AP3B1: variants seen among roughly 807,000 people sequenced by gnomAD.
AP3B1 encodes the protein AP-3 complex subunit beta-1.
Under a neutral mutation model 132.5 loss-of-function variants are expected in AP3B1, and 61 were observed. The ratio of observed to expected loss-of-function variants is 0.46; its 90% confidence interval spans 0.37 to 0.57. The LOEUF is 0.57. Ranked by LOEUF, AP3B1 falls within the 20% of genes least tolerant of loss-of-function variation. AP3B1 has a pLI of 0.00. For missense variants in AP3B1, 1,120 were observed against 1,289.4 expected (o/e 0.87, Z 2.01); for synonymous variants, 388 against 438.3 (o/e 0.89, Z 1.43).
intron 1 of AP3B1, among the ~76,000 whole-genome samples, chr5:78,271,382 T>C (rs1014035780): frequency 2.6e-5 from 4 of 152,094 alleles, no homozygotes; most frequent in South Asian, 4.1e-4. Context: ...GATGGCACCA[T>C]TGCACTCCAG....
At chr5:78,070,694 G>A (rs1383695403) in intron 22 of AP3B1, among the ~76,000 whole-genome samples, 25 of 146,434 alleles carry the variant, frequency 1.7e-4, no homozygotes, top group African/African-American at 6.0e-4. Flanking sequence ...AATCTAAAAG[G>A]AAATTAAACA....
chr5:78,028,693 A>G (rs1162083967), intron 24 of AP3B1, among the ~76,000 whole-genome samples: 3 of 152,174 alleles, frequency 2.0e-5, no homozygotes, highest in Admixed American at 2.0e-4. Flanking sequence ...GTCCATCTTC[A>G]TAGGTTATCC....
chr5:78,271,964 C>A (rs904895609), intron 1 of AP3B1, among the ~76,000 whole-genome samples: 2 of 152,168 alleles, frequency 1.3e-5, no homozygotes, highest in Non-Finnish European at 2.9e-5. Context: ...CCCTTCCAGG[C>A]TCTAACAATT....
downstream of AP3B1, chr5:78,001,146 G>C (rs1007534538): frequency 1.3e-5 from 2 of 152,070 alleles, no homozygotes; most frequent in African/African-American, 4.8e-5. Flanking sequence ...CTAATTTAAG[G>C]AAAAATAAGA....
intron 21 of AP3B1, among the ~76,000 whole-genome samples, chr5:78,097,060 T>TG (rs1750855617): frequency 1.6e-5 from 1 of 61,192 alleles, no homozygotes; most frequent in African/African-American, 7.8e-5. Context: ...GGGAGGGAGG[T>TG]TGGGGGGTCA....
chr5:78,240,808 G>T, intron 3 of AP3B1, 54 bp downstream of exon 3: 1 of 1,225,114 alleles, frequency 8.2e-7, no homozygotes, highest in Non-Finnish European at 1.2e-6. Flanking sequence ...CATAAAAAGT[G>T]TACGGTCCCA....
At chr5:78,026,808 T>C (rs1747357684) in intron 24 of AP3B1, among the ~76,000 whole-genome samples, 1 of 152,230 alleles carries the variant, frequency 6.6e-6, no homozygotes, top group African/African-American at 2.4e-5. Flanking sequence ...ACAAAAGTTA[T>C]TCTAAAACTT....
At chr5:78,063,306 C>T (rs1207631079) in intron 22 of AP3B1, among the ~76,000 whole-genome samples, 1 of 152,164 alleles carries the variant, frequency 6.6e-6, no homozygotes, top group African/African-American at 2.4e-5. Context: ...TATAGTTTTG[C>T]ATATCACAGG....
intron 24 of AP3B1, among the ~76,000 whole-genome samples, chr5:78,023,211 C>T (rs762108141): frequency 6.6e-6 from 1 of 152,160 alleles, no homozygotes; most frequent in African/African-American, 2.4e-5. Context: ...GCTTTAGCCA[C>T]ATTATATTTT....
chr5:78,037,811 C>A (rs1747867166), intron 23 of AP3B1, among the ~76,000 whole-genome samples: 1 of 152,108 alleles, frequency 6.6e-6, no homozygotes, highest in Non-Finnish European at 1.5e-5. Context: ...TGACATAAAC[C>A]TTTTATTACT....
chr5:78,268,387 T>C (rs1748416200), intron 1 of AP3B1, among the ~76,000 whole-genome samples: 1 of 152,128 alleles, frequency 6.6e-6, no homozygotes, highest in African/African-American at 2.4e-5. Flanking sequence ...TAAAAAAATC[T>C]TACTGAAGTT....
At chr5:78,224,252 T>G (rs1746310557) in intron 6 of AP3B1, among the ~76,000 whole-genome samples, 1 of 151,982 alleles carries the variant, frequency 6.6e-6, no homozygotes, top group South Asian at 2.1e-4. Flanking sequence ...ATAGAAGAAA[T>G]GCAATAATGA....
At chr5:78,257,089 T>G (rs1268209368) in intron 2 of AP3B1, among the ~76,000 whole-genome samples, 1 of 152,030 alleles carries the variant, frequency 6.6e-6, no homozygotes, top group African/African-American at 2.4e-5. Flanking sequence ...AAACTGAAAG[T>G]CTTTCCTATA....
chr5:78,097,630 C>T, intron 21 of AP3B1, among the ~76,000 whole-genome samples: 1 of 144,982 alleles, frequency 6.9e-6, no homozygotes, highest in Non-Finnish European at 1.6e-5. Context: ...CCTGCCCGGC[C>T]AGCCGCCCCG....
intron 22 of AP3B1, among the ~76,000 whole-genome samples, chr5:78,045,470 G>A (rs866537813): frequency 6.6e-5 from 10 of 150,688 alleles, no homozygotes; most frequent in Middle Eastern, 3.5e-3. Flanking sequence ...GTCATATTAC[G>A]CCAAACTTCT....
chr5:78,040,774 T>C (rs1194249636), intron 22 of AP3B1, among the ~76,000 whole-genome samples: 2 of 152,170 alleles, frequency 1.3e-5, no homozygotes, highest in Non-Finnish European at 2.9e-5. Context: ...TCTGAGAGTA[T>C]ATATCAACCT....
chr5:78,158,309 T>C lies in AP3B1; in HGVS notation c.1364-1942A>G, dbSNP rs1743239649. Among the ~76,000 whole-genome samples, 3 of 152,056 alleles carry C rather than the reference T, an allele frequency of 2.0e-5. No individual in the cohort carries two copies. In the South Asian group the frequency reaches 6.2e-4, roughly 32 times the overall value. ...CCAGGTCTACAAAAAATCCAAAAAT[T>C]AGCCAGGAGTTGTGGCACGTGCCTA... On this transcript the variant is annotated intron_variant, in intron 13 of 26. Coordinates refer to ENST00000255194, the MANE Select transcript of AP3B1 (RefSeq NM_003664.5).
At chr5:78,216,924 T>C (rs1745987686) in intron 6 of AP3B1, among the ~76,000 whole-genome samples, 2 of 152,118 alleles carry the variant, frequency 1.3e-5, no homozygotes, top group Non-Finnish European at 2.9e-5. Flanking sequence ...ATAATGTTAG[T>C]TTCTGAACTG....
intron 16 of AP3B1, among the ~76,000 whole-genome samples, chr5:78,128,899 CTTAAAA>C (rs924877215): frequency 3.0e-4 from 45 of 151,860 alleles, no homozygotes; most frequent in African/African-American, 9.7e-4. Flanking sequence ...AGTCAGAACG[CTTAAAA>C]TTATTTAGTA....
Sources: allele counts gnomAD v4.1 joint callset (sites outside exome capture counted in the v4.1 genomes callset), GRCh38; gene constraint gnomAD v4.1.1; transcripts MANE v1.5; gene names NCBI Gene and HGNC (gene_info 2026-07-23, HGNC 2026-07-21).